The following RFC3 variants were observed in gnomAD, a reference collection of about 807,000 sequenced individuals.
RFC3 encodes the protein A1 38 kDa subunit.
In RFC3, 41 loss-of-function variants were observed where a neutral mutation model predicts 45.1. The ratio of observed to expected loss-of-function variants is 0.91; its 90% CI spans 0.71 to 1.18. The LOEUF (loss-of-function observed/expected upper bound fraction) is 1.18. Among genes scored for constraint, RFC3 ranks in the 50% most tolerant of loss-of-function variants. The pLI, the probability that RFC3 is intolerant of heterozygous loss-of-function variation, is 0.00. For missense variants in RFC3, 423 were observed against 428.1 expected (o/e 0.99, Z 0.10); for synonymous variants, 149 against 144.0 (o/e 1.03, Z -0.25).
chr13:33,913,670 G>A (rs992979452), intron 8 of RFC3, among the ~76,000 whole-genome samples: 5 of 152,102 alleles, frequency 3.3e-5, no homozygotes, highest in Non-Finnish European at 7.4e-5. Context: ...TTGGATTGCT[G>A]AAGGATTAAG....
At chr13:33,909,712 T>C (rs2082692936) in intron 8 of RFC3, among the ~76,000 whole-genome samples, 1 of 152,132 alleles carries the variant, frequency 6.6e-6, no homozygotes, top group Non-Finnish European at 1.5e-5. Context: ...TGATGGCTCC[T>C]CTTTTGAGCC....
At chr13:33,955,328 C>T (rs1269161952) in intron 8 of RFC3, among the ~76,000 whole-genome samples, 1 of 152,142 alleles carries the variant, frequency 6.6e-6, no homozygotes, top group Non-Finnish European at 1.5e-5. Context: ...CTCTGCTTAA[C>T]AACGATATTT....
intron 8 of RFC3, 68 bp downstream of exon 8, chr13:33,835,285 G>A (rs2082143383): frequency 1.0e-6 from 1 of 959,852 alleles, no homozygotes; most frequent in Non-Finnish European, 1.7e-6. Flanking sequence ...GTGATCATAG[G>A]GCTTTTTGCA....
In RFC3 at chr13:33,958,868, G is replaced by A. The variant is rs1230387110; in HGVS notation, c.880-7219G>A. 3.3e-5 allele frequency among the ~76,000 whole-genome samples: 5 copies of A among 152,156 alleles called. No individual in the cohort carries two copies. The East Asian group carries it at 9.6e-4, about 29-fold the overall frequency. On this transcript the variant is annotated intron_variant, in intron 8 of 8. Coordinates refer to the RFC3 transcript ENST00000434425. ...CATTTGCCTCCATGATCTAGGACAT[G>A]CCTGGTATTGCAGAGGGCCTCCAAG...
chr13:33,917,397 G>T (rs1388092513), intron 8 of RFC3, among the ~76,000 whole-genome samples: 2 of 152,270 alleles, frequency 1.3e-5, no homozygotes, highest in Middle Eastern at 3.4e-3. Context: ...TGGAATCTCA[G>T]CAGCATCCTT....
chr13:33,818,881 GTTTTTTTTT>G (rs72236854), intron 1 of RFC3, among the ~76,000 whole-genome samples: 9 of 112,040 alleles, frequency 8.0e-5, no homozygotes, highest in Admixed American at 1.8e-4. Context: ...CCTGAGATTA[GTTTTTTTTT>G]TTTTTTTTTT....
intron 8 of RFC3, among the ~76,000 whole-genome samples, chr13:33,908,594 AAC>A (rs2082685707): frequency 7.2e-6 from 1 of 138,144 alleles, no homozygotes; most frequent in African/African-American, 2.7e-5. Context: ...AGAGAAAAAG[AAC>A]ACACAGGAGA....
intron 8 of RFC3, among the ~76,000 whole-genome samples, chr13:33,930,601 G>T (rs772176373): frequency 2.8e-4 from 42 of 152,006 alleles, no homozygotes; most frequent in Non-Finnish European, 5.1e-4. Context: ...CAACACCCTC[G>T]CGGACACACC....
chr13:33,844,708 T>C (rs918734809), intron 8 of RFC3, among the ~76,000 whole-genome samples: 1 of 152,246 alleles, frequency 6.6e-6, no homozygotes, highest in African/African-American at 2.4e-5. Flanking sequence ...CTTTTGGTTA[T>C]TTCTGTTTAT....
At chr13:33,961,847 A>G (rs2083059152) in intron 8 of RFC3, among the ~76,000 whole-genome samples, 1 of 152,206 alleles carries the variant, frequency 6.6e-6, no homozygotes, top group African/African-American at 2.4e-5. Flanking sequence ...TGGAAGAATA[A>G]GCCTTAGGAT....
chr13:33,900,955 A>G (rs891456510), intron 8 of RFC3, among the ~76,000 whole-genome samples: 1 of 151,972 alleles, frequency 6.6e-6, no homozygotes, highest in Non-Finnish European at 1.5e-5. Flanking sequence ...GCTCAACATC[A>G]CTAATCATCG....
At chr13:33,834,298 G>GTGTGTATATATATATATC (rs1302839326) in intron 7 of RFC3, among the ~76,000 whole-genome samples, 1 of 109,220 alleles carries the variant, frequency 9.2e-6, no homozygotes, top group African/African-American at 4.1e-5. Context: ...TGTACTGTGT[G>GTGTGTATATATATATATC]TATATATATA....
Position 33,869,219 on chromosome 13 carries a change from C to G in RFC3, c.879+34002C>G, listed in dbSNP as rs142269977. The stretch of plus-strand genomic sequence containing the variant: ...GCCTTTTTGCTGATTGAGTTAATGA[C>G]ACAATATCCTTTTGGCAAATGCCTT... On this transcript the variant is annotated intron_variant, in intron 8 of 8. Transcript: ENST00000434425. 6.0e-3 allele frequency among the ~76,000 whole-genome samples: 916 copies of G among 152,306 alleles called. 5 individuals carry two copies. Among genetic ancestry groups the G allele is most frequent in the African/African-American group, 0.021 (881 of 41,560 alleles).
chr13:33,820,234 C>G (rs2081989484), intron 1 of RFC3, among the ~76,000 whole-genome samples: 1 of 152,212 alleles, frequency 6.6e-6, no homozygotes. Flanking sequence ...TGTTAGTGCC[C>G]TACCCAGTCC....
intron 8 of RFC3, among the ~76,000 whole-genome samples, chr13:33,909,822 A>T (rs930214822): frequency 6.6e-6 from 1 of 152,046 alleles, no homozygotes; most frequent in East Asian, 1.9e-4. Context: ...CGTAGGAAAG[A>T]TTGTTCAGGG....
At position 33,828,594 on chromosome 13, in the gene RFC3, G is replaced by A. The variant is rs538060431; in HGVS notation, c.392-1242G>A. The stretch of plus-strand genomic sequence containing the variant: ...TGTGGCAACAGGCTGGAGTGCAGCG[G>A]TGCCATCAGAGCTTACTGCAGCCTT... On this transcript the variant is annotated intron_variant, in intron 4 of 8. Coordinates refer to ENST00000380071, the MANE Select transcript of RFC3 (RefSeq NM_002915.4). Among the ~76,000 whole-genome samples, 91 of 152,328 alleles carry A rather than the reference G, an allele frequency of 6.0e-4. 1 individual carries two copies. The highest frequency in any genetic ancestry group is 5.9e-3 in the Admixed American group (90 of 15,304).
intron 8 of RFC3, among the ~76,000 whole-genome samples, chr13:33,886,234 CT>C (rs1204780562): frequency 6.6e-6 from 1 of 152,102 alleles, no homozygotes; most frequent in Non-Finnish European, 1.5e-5. Context: ...CCTAGAACCA[CT>C]TTTTTCTAGA....
At chr13:33,897,031 A>G (rs2082604491) in intron 8 of RFC3, among the ~76,000 whole-genome samples, 1 of 152,094 alleles carries the variant, frequency 6.6e-6, no homozygotes, top group South Asian at 2.1e-4. Context: ...AATGTACAAA[A>G]AGAAAAGGAA....
At chr13:33,952,810 T>C (rs562999976) in intron 8 of RFC3, among the ~76,000 whole-genome samples, 9 of 152,312 alleles carry the variant, frequency 5.9e-5, no homozygotes, top group Non-Finnish European at 1.0e-4. Flanking sequence ...CAAAGTATCC[T>C]CCTAGGCAAA....
Sources: gnomAD v4.1 joint callset for allele counts (sites outside exome capture counted in the v4.1 genomes callset) on GRCh38, gnomAD v4.1.1 for gene constraint, MANE v1.5 for transcripts, NCBI Gene and HGNC (gene_info 2026-07-23, HGNC 2026-07-21) for gene names.